The following TEC variants were observed in gnomAD, a reference collection of about 807,000 sequenced individuals.
The protein encoded by TEC is tyrosine-protein kinase Tec.
In TEC, 72 loss-of-function variants were observed where a neutral mutation model predicts 93.0. That is an observed-to-expected ratio of 0.77 (90% CI 0.64 to 0.94). The LOEUF is 0.94. Ranked by LOEUF, TEC falls within the 40% of genes least tolerant of loss-of-function variation. TEC has a pLI of 0.00. For synonymous variants in TEC, 249 were observed against 247.7 expected, an observed-to-expected ratio of 1.01 and a Z score of -0.05; for missense variants, 630 against 757.9, an observed-to-expected ratio of 0.83 and a Z score of 1.98.
chr4:48,194,765 T>C (rs1052548419), intron 2 of TEC, among the ~76,000 whole-genome samples: 1 of 152,084 alleles, frequency 6.6e-6, no homozygotes, highest in Non-Finnish European at 1.5e-5. Context: ...GCCCATCAAC[T>C]CTCCCCTCAG....
At chr4:48,206,896 C>G (rs559051202) in intron 2 of TEC, among the ~76,000 whole-genome samples, 1 of 151,864 alleles carries the variant, frequency 6.6e-6, no homozygotes, top group East Asian at 1.9e-4. Flanking sequence ...GAGGTCAAGG[C>G]TGAAATGAGC....
intron 2 of TEC, among the ~76,000 whole-genome samples, chr4:48,213,212 C>T (rs4694888): frequency 2.7e-4 from 41 of 152,274 alleles, no homozygotes; most frequent in African/African-American, 9.4e-4. Flanking sequence ...TTCCAATAAT[C>T]TATTAAAAAT....
chr4:48,221,408 C>A (rs750283640), intron 2 of TEC, among the ~76,000 whole-genome samples: 3 of 152,192 alleles, frequency 2.0e-5, no homozygotes, highest in Non-Finnish European at 4.4e-5. Context: ...AGCACTTCTC[C>A]TTGCTGCCAC....
At chr4:48,208,043 C>T (rs1289593815) in intron 2 of TEC, among the ~76,000 whole-genome samples, 1 of 152,170 alleles carries the variant, frequency 6.6e-6, no homozygotes, top group African/African-American at 2.4e-5. Flanking sequence ...GAGTGATACA[C>T]CCATCTGTGG....
At chr4:48,152,973 T>C (rs546534231) in intron 9 of TEC, among the ~76,000 whole-genome samples, 68 of 152,330 alleles carry the variant, frequency 4.5e-4, no homozygotes, top group Non-Finnish European at 8.1e-4. Context: ...GATCATCTTC[T>C]AGTCTAACTC....
intron 1 of TEC, among the ~76,000 whole-genome samples, chr4:48,266,762 C>T (rs1724645264): frequency 6.6e-6 from 1 of 151,396 alleles, no homozygotes; most frequent in Admixed American, 6.6e-5. Flanking sequence ...CGCTTGAACC[C>T]GGGAGGCAGA....
At chr4:48,169,598 G>A (rs1302601752) in intron 5 of TEC, among the ~76,000 whole-genome samples, 5 of 152,030 alleles carry the variant, frequency 3.3e-5, no homozygotes, top group African/African-American at 1.2e-4. Flanking sequence ...AGTTCTGATG[G>A]ACCCAGTGAG....
intron 2 of TEC, among the ~76,000 whole-genome samples, chr4:48,184,597 T>C (rs1175524814): frequency 6.6e-6 from 1 of 152,194 alleles, no homozygotes; most frequent in Admixed American, 6.5e-5. Context: ...TTTGTACATA[T>C]ATTGCTATCC....
At position 48,163,693 on chromosome 4, in the gene TEC, T is replaced by C. The variant is rs200060189; in HGVS notation, c.737+9A>G. Reference sequence around the variant, plus strand: ...ATTTTCCACATTCACAAAATAAACATTTACTTACTCATATTGATCTAAGTT... The same window carrying C: ...ATTTTCCACATTCACAAAATAAACACTTACTTACTCATATTGATCTAAGTT... On this transcript the variant is annotated intron_variant, in intron 8 of 17. Coordinates refer to ENST00000381501, the MANE Select transcript of TEC (RefSeq NM_003215.3). 6,202 of 1,435,834 alleles carry C rather than the reference T, an allele frequency of 4.3e-3. 26 individuals carry two copies. Among genetic ancestry groups the C allele is most frequent in the Middle Eastern group, 6.8e-3 (39 of 5,702 alleles). The allele number at this position is 1,435,834 out of a possible 1,614,324, so 88.9% of individuals were successfully genotyped here. A position where few individuals can be genotyped will look rare whatever the true frequency, so the allele number is the denominator to read the frequency against.
intron 17 of TEC, 59 bp from the exon 18 acceptor site, chr4:48,137,558 C>T: frequency 7.1e-7 from 1 of 1,402,248 alleles, no homozygotes. Flanking sequence ...CAAAACCTCT[C>T]ACTGCTCCAA....
At chr4:48,250,019 A>G (rs1326680963) in intron 1 of TEC, among the ~76,000 whole-genome samples, 1 of 152,258 alleles carries the variant, frequency 6.6e-6, no homozygotes, top group Non-Finnish European at 1.5e-5. Context: ...CTATAGGCTG[A>G]TAACTCCAAA....
chr4:48,199,455 CTTTTTTTTTTTTTTTTTTT>C (rs34965891), intron 2 of TEC, among the ~76,000 whole-genome samples: 1 of 67,360 alleles, frequency 1.5e-5, no homozygotes, highest in Non-Finnish European at 2.6e-5. Flanking sequence ...GATTTTCTTT[CTTTTTTTTTTTTTTTTTTT>C]TTTTTTTTTT....
chr4:48,208,976 G>C (rs1211873543), intron 2 of TEC, among the ~76,000 whole-genome samples: 1 of 152,144 alleles, frequency 6.6e-6, no homozygotes, highest in Non-Finnish European at 1.5e-5. Context: ...TTATCCCACC[G>C]TGGTAGTCAC....
At chr4:48,268,366 A>G (rs1724693657) in intron 1 of TEC, among the ~76,000 whole-genome samples, 1 of 152,252 alleles carries the variant, frequency 6.6e-6, no homozygotes, top group African/African-American at 2.4e-5. Context: ...TTGTGAGAAG[A>G]GTCAAGATCA....
intron 2 of TEC, among the ~76,000 whole-genome samples, chr4:48,179,360 ATATATATATATATATATTT>A (rs1182921333): frequency 2.5e-4 from 10 of 40,482 alleles, no homozygotes; most frequent in African/African-American, 9.4e-4. Flanking sequence ...ATATATATAT[ATATATATATATATATATTT>A]TTTTTTTTTT....
intron 1 of TEC, among the ~76,000 whole-genome samples, chr4:48,264,786 G>A (rs539047575): frequency 2.2e-4 from 34 of 152,134 alleles, no homozygotes; most frequent in East Asian, 7.7e-4. Flanking sequence ...ACAGGCACAC[G>A]CCACCACGCC....
intron 3 of TEC, among the ~76,000 whole-genome samples, chr4:48,172,348 C>T (rs1721147640): frequency 6.6e-6 from 1 of 152,140 alleles, no homozygotes; most frequent in South Asian, 2.1e-4. Context: ...GGATTGAAAA[C>T]CAAATAGCTC....
At position 48,138,730 on chromosome 4, in the gene TEC, G is replaced by A; in HGVS notation, c.1747C>T (p.Arg583Ter). The A allele has an allele frequency of 1.2e-6, 2 of 1,614,140 alleles. No individual in the cohort carries two copies. The highest frequency in any genetic ancestry group is 1.7e-6 in the Non-Finnish European group (2 of 1,180,020). The change falls in exon 17 of 18, where the codon CGA (arginine) becomes TGA (stop). Residue 583 changes from arginine to a stop codon, truncating the protein, a stop_gained. Transcript: ENST00000381501. LOFTEE classifies it high-confidence loss of function. The stretch of plus-strand genomic sequence containing the variant: ...GACGCCAACTTCGGCTGGTAGAGTC[G>A]GTGGCCTCGAGTAACCATGGTTACC... The part of the protein sequence containing the change: ...EVVTMVTRGH[R>*]LYQPKLASNY...
chr4:48,160,789 A>G (rs969030620), intron 8 of TEC, among the ~76,000 whole-genome samples: 1 of 142,030 alleles, frequency 7.0e-6, no homozygotes, highest in Non-Finnish European at 1.5e-5. Flanking sequence ...AAAGAAAAGA[A>G]AAGAAGAAAG....
Sources: gnomAD v4.1 joint callset for allele counts (sites outside exome capture counted in the v4.1 genomes callset) on GRCh38, gnomAD v4.1.1 for gene constraint, MANE v1.5 for transcripts, NCBI Gene and HGNC (gene_info 2026-07-23, HGNC 2026-07-21) for gene names.